MSANTD1: variants seen among roughly 807,000 people sequenced by gnomAD.
MSANTD1 encodes the protein myb/SANT-like DNA-binding domain-containing protein 1.
In MSANTD1, 7 loss-of-function variants were observed where a neutral mutation model predicts 24.2. The ratio of observed to expected loss-of-function variants is 0.29; its 90% CI spans 0.16 to 0.54. MSANTD1 has a LOEUF of 0.54. Among genes scored for constraint, MSANTD1 ranks in the 20% least tolerant of loss-of-function variants. The pLI is 0.94. For synonymous variants in MSANTD1, 177 were observed against 181.1 expected, an observed-to-expected ratio of 0.98 and a Z score of 0.18; for missense variants, 384 against 408.2, an observed-to-expected ratio of 0.94 and a Z score of 0.51.
chr4:3,246,560 C>T (rs1176124809), upstream of MSANTD1: 2 of 622,872 alleles, frequency 3.2e-6, no homozygotes, highest in African/African-American at 3.7e-5. Context: ...ACAGCTCCTG[C>T]CGAGGCCTGA....
At chr4:3,249,128 T>A, upstream of MSANTD1, 1 of 1,170,086 alleles carries the variant, frequency 8.5e-7, no homozygotes, top group Non-Finnish European at 1.1e-6. Flanking sequence ...CGTTTCCCGT[T>A]TAAAAGCTTT....
chr4:3,255,722 C>T lies in MSANTD1; in HGVS notation c.597-3C>T. The T allele has an allele frequency of 6.5e-7, 1 of 1,535,998 alleles. No individual in the cohort carries two copies. The highest frequency in any genetic ancestry group is 8.8e-7 in the Non-Finnish European group (1 of 1,140,698). ...ACGTCCACAGCCGGCACTGTCCTTC[C>T]AGGTCGGAGGAGCGGCCGGTGAAGA... On this transcript the variant is annotated splice_region_variant and splice_polypyrimidine_tract_variant and intron_variant, in intron 2 of 2. Coordinates refer to ENST00000438480, the MANE Select transcript of MSANTD1 (RefSeq NM_001042690.2).
At chr4:3,249,712 C>T (rs537383607) in intron 1 of MSANTD1, among the ~76,000 whole-genome samples, 170 bp downstream of exon 1, 13 of 152,314 alleles carry the variant, frequency 8.5e-5, no homozygotes, top group Non-Finnish European at 1.5e-4. Flanking sequence ...ACGGGGCCCA[C>T]GGAAACCGTG....
At chr4:3,253,136 C>A in intron 1 of MSANTD1, 71 bp from the exon 2 acceptor site, 2 of 1,432,432 alleles carry the variant, frequency 1.4e-6, no homozygotes, top group Non-Finnish European at 1.8e-6. Flanking sequence ...CGCCCCTCTG[C>A]TGAGGCTGGG....
At chr4:3,248,995 C>G, upstream of MSANTD1, 1 of 401,902 alleles carries the variant, frequency 2.5e-6, no homozygotes, top group Non-Finnish European at 4.3e-6. Context: ...GGGCCTGGCC[C>G]GCTCGCCGCA....
chr4:3,253,559 C>A, intron 2 of MSANTD1, 77 bp downstream of exon 2: 1 of 1,402,346 alleles, frequency 7.1e-7, no homozygotes, highest in Non-Finnish European at 9.3e-7. Context: ...CTGGGAGTGG[C>A]AAGGCCGGCG....
chr4:3,246,034 G>A (rs1245393783), upstream of MSANTD1, among the ~76,000 whole-genome samples: 1 of 152,184 alleles, frequency 6.6e-6, no homozygotes, highest in Non-Finnish European at 1.5e-5. Context: ...TGGTCCTGAG[G>A]TGGATCCTGG....
At chr4:3,246,016 G>A (rs1272353304), upstream of MSANTD1, among the ~76,000 whole-genome samples, 2 of 152,158 alleles carry the variant, frequency 1.3e-5, no homozygotes, top group African/African-American at 4.8e-5. Flanking sequence ...AAAACTGCTA[G>A]GACAGGCTGG....
At chr4:3,246,709 C>T (rs569101423), upstream of MSANTD1, 14 of 684,776 alleles carry the variant, frequency 2.0e-5, no homozygotes, top group South Asian at 2.2e-4. Context: ...ATGTGGGGAC[C>T]CTCCCAGGCA....
chr4:3,256,116 G>A lies in MSANTD1; in HGVS notation c.*151G>A. The A allele has an allele frequency of 5.9e-6, 6 of 1,019,802 alleles. No homozygotes were observed. The highest frequency in any genetic ancestry group is 8.0e-6 in the Non-Finnish European group (6 of 745,672). The allele number at this position is 1,019,802 out of a possible 1,614,324, so 63.2% of individuals were successfully genotyped here. A position where few individuals can be genotyped will look rare whatever the true frequency, so the allele number is the denominator to read the frequency against. On this transcript the variant is annotated 3_prime_UTR_variant, in exon 3 of 3. Coordinates refer to ENST00000438480, the MANE Select transcript of MSANTD1 (RefSeq NM_001042690.2). Reference sequence around the variant, plus strand: ...CCTCTGGCAGGATGTCCCTTCTGAGGGGTATTTTGAGGAACCCCCAGGCCC... The same window carrying A: ...CCTCTGGCAGGATGTCCCTTCTGAGAGGTATTTTGAGGAACCCCCAGGCCC...
upstream of MSANTD1, among the ~76,000 whole-genome samples, chr4:3,247,040 G>T (rs1283328274): frequency 6.6e-6 from 1 of 152,122 alleles, no homozygotes; most frequent in Non-Finnish European, 1.5e-5. Context: ...AGTGGTGGTG[G>T]TGTCCACTGG....
At chr4:3,253,530 C>G in intron 2 of MSANTD1, 48 bp downstream of exon 2, 1 of 1,444,582 alleles carries the variant, frequency 6.9e-7, no homozygotes, top group Non-Finnish European at 9.1e-7. Flanking sequence ...TCTCAGCCCC[C>G]ACCATTTAGA....
upstream of MSANTD1, chr4:3,247,424 G>A (rs1458952431): frequency 6.6e-6 from 1 of 152,192 alleles, no homozygotes; most frequent in Admixed American, 6.5e-5. Flanking sequence ...AAGGGCATTC[G>A]GACCGGTCCC....
In MSANTD1 at chr4:3,249,385, A is replaced by T; in HGVS notation, c.163A>T (p.Met55Leu). 6.3e-7 allele frequency: 1 copy of T among 1,587,984 alleles called. No individual in the cohort carries two copies. Among genetic ancestry groups the T allele is most frequent in the Non-Finnish European group, 8.6e-7 (1 of 1,168,570 alleles). ...GACGGACGCCGAGATGCGCGGCCTC[A>T]TGCTGGTCTGGGAGGAGTTCTTCGA... ...NWTDAEMRGL[M>L]LVWEEFFDEL... Residue 55 changes from methionine (M) to leucine (L), a missense_variant, in exon 1 of 3, where the codon ATG becomes TTG. Physicochemically the swap from Met to Leu is conservative, Grantham distance 15. Transcript: ENST00000438480.
intron 1 of MSANTD1, among the ~76,000 whole-genome samples, chr4:3,251,904 C>G (rs1322190659): frequency 6.6e-6 from 1 of 152,142 alleles, no homozygotes; most frequent in Non-Finnish European, 1.5e-5. Context: ...GGGATGGGCA[C>G]CCAGCGCCTG....
rs544530837 is a variant in MSANTD1, at chr4:3,255,575, A to G, written c.597-150A>G. 30 of 1,083,028 alleles carry G rather than the reference A, an allele frequency of 2.8e-5. No homozygotes were observed. The East Asian group carries it at 7.7e-4, about 28-fold the overall frequency. The allele number at this position is 1,083,028 out of a possible 1,614,324, so 67.1% of individuals were successfully genotyped here. On this transcript the variant is annotated intron_variant, in intron 2 of 2. Coordinates refer to ENST00000438480, the MANE Select transcript of MSANTD1 (RefSeq NM_001042690.2). ...GTGGGTTCTGGCCCCTCCTTTGCAC[A>G]TGGAATATGAGACCCTGAGTAAGTG...
At chr4:3,251,964 C>A (rs1431089578) in intron 1 of MSANTD1, among the ~76,000 whole-genome samples, 7 of 152,248 alleles carry the variant, frequency 4.6e-5, no homozygotes, top group Non-Finnish European at 1.0e-4. Context: ...CCACCCTGGG[C>A]AGCATCCCCT....
chr4:3,251,990 G>A (rs1048857678), intron 1 of MSANTD1, among the ~76,000 whole-genome samples: 6 of 152,250 alleles, frequency 3.9e-5, no homozygotes, highest in Non-Finnish European at 8.8e-5. Flanking sequence ...CCATCTGGCT[G>A]TGCCTGTTTG....
intron 1 of MSANTD1, 86 bp downstream of exon 1, chr4:3,249,628 C>A: frequency 7.5e-7 from 1 of 1,333,598 alleles, no homozygotes; most frequent in Non-Finnish European, 1.0e-6. Context: ...AGCTCTGAGT[C>A]GGGACGATGT....
Sources: gnomAD v4.1 joint callset for allele counts (sites outside exome capture counted in the v4.1 genomes callset) on GRCh38, gnomAD v4.1.1 for gene constraint, MANE v1.5 for transcripts, NCBI Gene and HGNC (gene_info 2026-07-23, HGNC 2026-07-21) for gene names.